Variants in RAD51B observed in about 807,000 individuals in gnomAD.
RAD51B encodes the protein RAD51 paralog B, also known as DNA repair protein RAD51 homolog 2.
RAD51B carries 38 observed loss-of-function variants against 42.2 expected under a neutral mutation model. The ratio of observed to expected loss-of-function variants is 0.90; its 90% CI spans 0.70 to 1.18. The LOEUF (loss-of-function observed/expected upper bound fraction) is 1.18. Ranked by LOEUF, RAD51B falls within the 50% of genes most tolerant of loss-of-function variation. The pLI is 0.00. For missense variants in RAD51B, 373 were observed against 400.7 expected (o/e 0.93, Z 0.59); for synonymous variants, 154 against 145.2 (o/e 1.06, Z -0.43).
At chr14:67,908,925 A>G (rs2043872566) in intron 7 of RAD51B, 1 of 152,192 alleles carries the variant, frequency 6.6e-6, no homozygotes, top group African/African-American at 2.4e-5. Flanking sequence ...AATAATATTA[A>G]TAATTCTAAG....
At chr14:67,849,402 C>T (rs2041729641) in intron 4 of RAD51B, among the ~76,000 whole-genome samples, 1 of 152,190 alleles carries the variant, frequency 6.6e-6, no homozygotes, top group Non-Finnish European at 1.5e-5. Flanking sequence ...CTGCCTCAGC[C>T]TCCCAAGTAG....
intron 10 of RAD51B, among the ~76,000 whole-genome samples, chr14:68,490,966 A>G (rs1460884045): frequency 6.6e-6 from 1 of 152,202 alleles, no homozygotes; most frequent in Non-Finnish European, 1.5e-5. Flanking sequence ...GCTCATTAAC[A>G]TGGTAGAAGC....
intron 11 of RAD51B, among the ~76,000 whole-genome samples, chr14:68,658,127 AC>A (rs1342828209): frequency 6.6e-6 from 1 of 152,224 alleles, no homozygotes; most frequent in Non-Finnish European, 1.5e-5. Flanking sequence ...AGCACCAGGG[AC>A]CATGAAAAAG....
At chr14:68,178,439 G>A (rs1355589674) in intron 7 of RAD51B, among the ~76,000 whole-genome samples, 1 of 152,138 alleles carries the variant, frequency 6.6e-6, no homozygotes, top group Non-Finnish European at 1.5e-5. Context: ...TAAAGAAACA[G>A]GGTTCCCTAC....
chr14:68,652,152 A>C (rs1184048106), intron 11 of RAD51B, among the ~76,000 whole-genome samples: 1 of 152,122 alleles, frequency 6.6e-6, no homozygotes, highest in East Asian at 1.9e-4. Flanking sequence ...ACACGACGCC[A>C]ACTTCACATT....
chr14:68,159,105 T>G (rs892129443), intron 7 of RAD51B, among the ~76,000 whole-genome samples: 3 of 152,034 alleles, frequency 2.0e-5, no homozygotes, highest in Admixed American at 6.6e-5. Flanking sequence ...GGGCTTAAAA[T>G]GAGTAGCCCT....
intron 4 of RAD51B, among the ~76,000 whole-genome samples, chr14:67,850,451 G>A (rs10148929): frequency 0.031 from 4,644 of 151,914 alleles, 220 homozygotes; most frequent in African/African-American, 0.1. Flanking sequence ...TGTTTCCATG[G>A]CCTTCTGTTC....
chr14:68,026,009 A>G (rs140761603), intron 7 of RAD51B, among the ~76,000 whole-genome samples: 59 of 152,252 alleles, frequency 3.9e-4, no homozygotes, highest in African/African-American at 1.3e-3. Flanking sequence ...TTTCCTCTCA[A>G]TGCTGTTTTA....
At chr14:68,117,820 T>C (rs1223398553) in intron 7 of RAD51B, among the ~76,000 whole-genome samples, 1 of 152,216 alleles carries the variant, frequency 6.6e-6, no homozygotes, top group African/African-American at 2.4e-5. Context: ...TATTCTTCAA[T>C]GTAGCCACTC....
chr14:68,005,386 A>ATTTGAGGTGGG (rs1389202199), intron 7 of RAD51B, among the ~76,000 whole-genome samples: 1 of 151,974 alleles, frequency 6.6e-6, no homozygotes, highest in African/African-American at 2.4e-5. Flanking sequence ...CATGCCTTCT[A>ATTTGAGGTGGG]GTTTTAGCCT....
intron 9 of RAD51B, among the ~76,000 whole-genome samples, chr14:68,462,984 G>A (rs1464439486): frequency 1.3e-5 from 2 of 152,156 alleles, no homozygotes; most frequent in African/African-American, 4.8e-5. Flanking sequence ...GTTTGAGTGC[G>A]ATCAGAATTT....
At chr14:68,096,001 C>CA (rs2077188352) in intron 7 of RAD51B, among the ~76,000 whole-genome samples, 1 of 130,208 alleles carries the variant, frequency 7.7e-6, no homozygotes, top group South Asian at 2.4e-4. Context: ...AAAAAAGAAA[C>CA]AGACTCAGAA....
intron 8 of RAD51B, among the ~76,000 whole-genome samples, chr14:68,308,006 A>G (rs1566798563): frequency 6.6e-6 from 1 of 151,306 alleles, no homozygotes; most frequent in East Asian, 1.9e-4. Flanking sequence ...TGATGCAGTG[A>G]TTTTTTTTTC....
intron 7 of RAD51B, among the ~76,000 whole-genome samples, chr14:67,983,737 G>A (rs976855538): frequency 6.6e-6 from 1 of 151,940 alleles, no homozygotes; most frequent in African/African-American, 2.4e-5. Context: ...TTAACCATTT[G>A]ATTTTTTTTA....
intron 7 of RAD51B, among the ~76,000 whole-genome samples, chr14:68,219,787 C>G (rs964918695): frequency 4.7e-4 from 71 of 152,080 alleles, no homozygotes; most frequent in African/African-American, 1.6e-3. Flanking sequence ...TCTTTAACAC[C>G]CCCAAAAGAT....
chr14:68,094,697 G>T (rs1484490237), intron 7 of RAD51B, among the ~76,000 whole-genome samples: 1 of 152,110 alleles, frequency 6.6e-6, no homozygotes, highest in African/African-American at 2.4e-5. Flanking sequence ...CTGAATTGAG[G>T]AGTATGATTA....
chr14:68,422,164 G>A (rs776496081), intron 9 of RAD51B: 20 of 1,293,502 alleles, frequency 1.5e-5, no homozygotes, highest in Middle Eastern at 1.8e-4. Context: ...CGCTGTCGAC[G>A]GCAAATTCAA....
At chr14:68,181,481 T>C (rs1412946525) in intron 7 of RAD51B, among the ~76,000 whole-genome samples, 1 of 152,208 alleles carries the variant, frequency 6.6e-6, no homozygotes, top group Non-Finnish European at 1.5e-5. Context: ...TTTCTATCTG[T>C]CCTTGATTTT....
At chr14:68,038,419 C>G (rs1457290589) in intron 7 of RAD51B, among the ~76,000 whole-genome samples, 1 of 150,818 alleles carries the variant, frequency 6.6e-6, no homozygotes, top group South Asian at 2.1e-4. Context: ...TTTTCTTACT[C>G]AAATGAATAT....
Sources: allele counts gnomAD v4.1 joint callset (sites outside exome capture counted in the v4.1 genomes callset), GRCh38; gene constraint gnomAD v4.1.1; transcripts MANE v1.5; gene names NCBI Gene and HGNC (gene_info 2026-07-23, HGNC 2026-07-21).